The following GRM5 variants were observed in gnomAD, a reference collection of about 807,000 sequenced individuals.
GRM5 encodes metabotropic glutamate receptor 5.
A neutral mutation model predicts 83.1 loss-of-function variants in GRM5; 19 were observed. The ratio of observed to expected loss-of-function variants is 0.23; its 90% CI spans 0.16 to 0.34. The LOEUF (loss-of-function observed/expected upper bound fraction) is 0.34. GRM5 is among the 10% of genes least tolerant of loss of function. The pLI is 1.00. For synonymous variants in GRM5, 675 were observed against 633.6 expected, an observed-to-expected ratio of 1.07 and a Z score of -0.98; for missense variants, 1,160 against 1,588.3, an observed-to-expected ratio of 0.73 and a Z score of 4.58.
intron 9 of GRM5, among the ~76,000 whole-genome samples, chr11:88,515,522 C>T (rs1941497032): frequency 6.6e-6 from 1 of 152,108 alleles, no homozygotes; most frequent in Non-Finnish European, 1.5e-5. Flanking sequence ...GCTAATTACC[C>T]TGATTTTGTC....
chr11:88,896,600 TGAA>T (rs1945231855), intron 2 of GRM5, among the ~76,000 whole-genome samples: 1 of 151,874 alleles, frequency 6.6e-6, no homozygotes, highest in Non-Finnish European at 1.5e-5. Context: ...AGCTTGAGAC[TGAA>T]GAAGACCAGT....
At chr11:88,910,486 T>G (rs1039852739) in intron 2 of GRM5, among the ~76,000 whole-genome samples, 2 of 152,120 alleles carry the variant, frequency 1.3e-5, no homozygotes, top group African/African-American at 4.8e-5. Flanking sequence ...TACATTTAAC[T>G]GTTTGTGGAA....
intron 3 of GRM5, among the ~76,000 whole-genome samples, chr11:88,706,957 A>G (rs999629532): frequency 5.9e-5 from 9 of 152,078 alleles, no homozygotes; most frequent in African/African-American, 1.9e-4. Flanking sequence ...ATGTACACAT[A>G]TTGCAATGTT....
chr11:88,810,326 A>G (rs1244287244), intron 3 of GRM5, among the ~76,000 whole-genome samples: 1 of 152,108 alleles, frequency 6.6e-6, no homozygotes, highest in Non-Finnish European at 1.5e-5. Flanking sequence ...GAGTATATGA[A>G]GAGGAATAAA....
At chr11:88,602,493 G>T (rs768009305) in intron 5 of GRM5, among the ~76,000 whole-genome samples, 2 of 152,196 alleles carry the variant, frequency 1.3e-5, no homozygotes, top group Non-Finnish European at 2.9e-5. Context: ...CTCTGGAATT[G>T]TAGAGGATTC....
intron 2 of GRM5, among the ~76,000 whole-genome samples, chr11:88,950,969 G>T (rs2135678937): frequency 6.6e-6 from 1 of 152,286 alleles, no homozygotes; most frequent in Admixed American, 6.5e-5. Context: ...GACCATCAGT[G>T]TTGGGAAAAA....
intron 2 of GRM5, among the ~76,000 whole-genome samples, chr11:88,938,139 A>T (rs546607874): frequency 6.6e-6 from 1 of 151,840 alleles, no homozygotes; most frequent in East Asian, 1.9e-4. Flanking sequence ...ACATATATCA[A>T]TATATCAAAA....
chr11:88,799,171 T>G (rs1336868337), intron 3 of GRM5, among the ~76,000 whole-genome samples: 1 of 152,114 alleles, frequency 6.6e-6, no homozygotes, highest in East Asian at 1.9e-4. Flanking sequence ...ACTAAGAAAA[T>G]GTTCACATAT....
Position 88,972,724 on chromosome 11 carries a change from AAAGT to A in GRM5, c.661+74484_661+74487del, listed in dbSNP as rs1939205195. ...AAAAATGGAGTATTCACATAGTCTC[AAAGT>A]AACTTTCCATCAATGCATAATGATT... is the stretch of plus-strand genomic sequence containing the variant. On this transcript the variant is annotated intron_variant, in intron 2 of 9. Transcript: ENST00000305447. 2.0e-5 allele frequency among the ~76,000 whole-genome samples: 3 copies of A among 152,238 alleles called. No homozygotes were observed. The South Asian group carries it at 6.2e-4, about 32-fold the overall frequency.
chr11:88,761,712 C>G (rs764504803), intron 3 of GRM5, among the ~76,000 whole-genome samples: 1 of 151,958 alleles, frequency 6.6e-6, no homozygotes, highest in Non-Finnish European at 1.5e-5. Flanking sequence ...TTTTAAAATT[C>G]ATCTGGAACC....
At chr11:88,940,840 C>G (rs1173179255) in intron 2 of GRM5, among the ~76,000 whole-genome samples, 1 of 151,750 alleles carries the variant, frequency 6.6e-6, no homozygotes, top group Non-Finnish European at 1.5e-5. Context: ...ACTATAGAAA[C>G]AGAGAAATAC....
intron 2 of GRM5, among the ~76,000 whole-genome samples, chr11:88,887,554 A>G (rs1220489896): frequency 6.6e-6 from 1 of 152,150 alleles, no homozygotes; most frequent in East Asian, 1.9e-4. Context: ...CTGTTTCCAT[A>G]GCTGGCAGTC....
intron 8 of GRM5, among the ~76,000 whole-genome samples, chr11:88,557,516 T>C (rs893081985): frequency 6.6e-6 from 1 of 152,022 alleles, no homozygotes; most frequent in African/African-American, 2.4e-5. Context: ...TGAAAGGAAA[T>C]TGGGAAAGCT....
At chr11:89,044,095 C>T (rs1223308102) in intron 2 of GRM5, among the ~76,000 whole-genome samples, 1 of 152,120 alleles carries the variant, frequency 6.6e-6, no homozygotes. Flanking sequence ...CCTGTGTCAT[C>T]GTGGGCACAT....
intron 9 of GRM5, among the ~76,000 whole-genome samples, chr11:88,519,525 G>T (rs899134103): frequency 1.3e-5 from 2 of 152,082 alleles, no homozygotes; most frequent in Non-Finnish European, 2.9e-5. Context: ...TTTTAAGGAA[G>T]ATTAAGTGAG....
chr11:88,983,721 GA>G (rs924547831), intron 2 of GRM5, among the ~76,000 whole-genome samples: 1 of 151,754 alleles, frequency 6.6e-6, no homozygotes, highest in Non-Finnish European at 1.5e-5. Flanking sequence ...TTCTGCTTGT[GA>G]AAAAAGTTAC....
chr11:88,620,107 C>T (rs1346767551), intron 4 of GRM5, among the ~76,000 whole-genome samples: 1 of 152,318 alleles, frequency 6.6e-6, no homozygotes, highest in East Asian at 1.9e-4. Flanking sequence ...TATGCTCCCA[C>T]AGAAATGTGT....
chr11:88,951,361 T>A (rs1938456175), intron 2 of GRM5, among the ~76,000 whole-genome samples: 1 of 152,190 alleles, frequency 6.6e-6, no homozygotes, highest in Admixed American at 6.5e-5. Flanking sequence ...TTTTGGGAGA[T>A]ATGAGAAGTT....
chr11:88,956,233 A>T (rs1043438057), intron 2 of GRM5, among the ~76,000 whole-genome samples: 2 of 152,220 alleles, frequency 1.3e-5, no homozygotes, highest in Non-Finnish European at 2.9e-5. Flanking sequence ...TAAAAGCTAA[A>T]GTGTTCAGAA....
Sources: gnomAD v4.1 joint callset for allele counts (sites outside exome capture counted in the v4.1 genomes callset) on GRCh38, gnomAD v4.1.1 for gene constraint, MANE v1.5 for transcripts, NCBI Gene and HGNC (gene_info 2026-07-23, HGNC 2026-07-21) for gene names.